Variants in SACM1L observed in about 807,000 individuals in gnomAD.
SACM1L encodes SAC1 like phosphatidylinositide phosphatase.
In SACM1L, 32 loss-of-function variants were observed where a neutral mutation model predicts 89.5. The observed-to-expected ratio is 0.36, with a 90% CI of 0.27 to 0.48. The LOEUF is 0.48. SACM1L is among the 20% of genes least tolerant of loss of function. The pLI is 0.99. For synonymous variants in SACM1L, 213 were observed against 232.8 expected, an observed-to-expected ratio of 0.92 and a Z score of 0.77; for missense variants, 543 against 708.5, an observed-to-expected ratio of 0.77 and a Z score of 2.65.
intron 11 of SACM1L, among the ~76,000 whole-genome samples, chr3:45,726,101 A>G (rs1698911321): frequency 1.3e-5 from 2 of 152,148 alleles, no homozygotes; most frequent in Middle Eastern, 3.4e-3. Flanking sequence ...TTGGTGTGCT[A>G]GTGTTTGGCT....
chr3:45,742,410 C>T (rs143902103), intron 19 of SACM1L, among the ~76,000 whole-genome samples: 1 of 152,284 alleles, frequency 6.6e-6, no homozygotes, highest in Non-Finnish European at 1.5e-5. Context: ...AGCATGATCT[C>T]TGAGGGCTTG....
intron 1 of SACM1L, among the ~76,000 whole-genome samples, chr3:45,699,447 A>G (rs865997700): frequency 2.9e-5 from 4 of 137,860 alleles, no homozygotes; most frequent in African/African-American, 1.1e-4. Context: ...TTTTGTTTTT[A>G]TAAATTTATA....
rs1313484170 is a variant in SACM1L, at chr3:45,719,932, G to GT, written c.679+337dup. Among the ~76,000 whole-genome samples the GT allele has an allele frequency of 2.0e-5, 3 of 152,048 alleles. No individual in the cohort carries two copies. In the East Asian group the frequency reaches 5.8e-4, roughly 29 times the overall value. ...AAGTATTTTCTTGTATTGCTTTTAG[G>GT]TTTTTTGCATGCATGAAGCTAGTCA... On this transcript the variant is annotated intron_variant, in intron 8 of 19. Coordinates refer to ENST00000389061, the MANE Select transcript of SACM1L (RefSeq NM_014016.5).
intron 13 of SACM1L, among the ~76,000 whole-genome samples, chr3:45,733,668 T>A (rs1699126833): frequency 6.6e-6 from 1 of 152,232 alleles, no homozygotes; most frequent in Non-Finnish European, 1.5e-5. Context: ...TTTTGGAGAA[T>A]AGTTTCAATA....
At chr3:45,735,444 A>T in intron 14 of SACM1L, 71 bp downstream of exon 14, 1 of 1,426,808 alleles carries the variant, frequency 7.0e-7, no homozygotes, top group Non-Finnish European at 9.3e-7. Flanking sequence ...AAAACCCAGT[A>T]ACAAAAAATA....
At chr3:45,696,296 C>T (rs1454081199) in intron 1 of SACM1L, among the ~76,000 whole-genome samples, 3 of 152,050 alleles carry the variant, frequency 2.0e-5, no homozygotes, top group Non-Finnish European at 4.4e-5. Flanking sequence ...TGTGCCTGGC[C>T]CAGAATTTCC....
chr3:45,742,322 A>G (rs1699333626), intron 19 of SACM1L, among the ~76,000 whole-genome samples: 1 of 152,158 alleles, frequency 6.6e-6, no homozygotes, highest in South Asian at 2.1e-4. Flanking sequence ...CTTATGATAA[A>G]CTTTGTGATG....
At position 45,731,397 on chromosome 3, in the gene SACM1L, C is replaced by G. The variant is rs1019625342; in HGVS notation, c.1001+17C>G. 1 of 1,564,588 alleles carries G rather than the reference C, an allele frequency of 6.4e-7. No individual in the cohort carries two copies. The highest frequency in any genetic ancestry group is 1.7e-5 in the Admixed American group (1 of 59,492). On this transcript the variant is annotated intron_variant, in intron 12 of 19. Coordinates refer to ENST00000389061, the MANE Select transcript of SACM1L (RefSeq NM_014016.5). ...AATGATGAGGTACCTCACTAGAAAT[C>G]TGTTGCAGGTCTTTTCAGATCAGAT...
chr3:45,739,795 C>T, intron 19 of SACM1L, 151 bp downstream of exon 19: 1 of 726,874 alleles, frequency 1.4e-6, no homozygotes, highest in Non-Finnish European at 2.4e-6. Context: ...TTAGATGTGA[C>T]AGGAAGAAAA....
intron 1 of SACM1L, among the ~76,000 whole-genome samples, chr3:45,693,552 C>G (rs1437597580): frequency 6.6e-6 from 1 of 152,204 alleles, no homozygotes; most frequent in African/African-American, 2.4e-5. Flanking sequence ...AAAACAGTCT[C>G]ATAATTGCCC....
chr3:45,712,230 A>G (rs1307460874), intron 5 of SACM1L, among the ~76,000 whole-genome samples: 1 of 152,062 alleles, frequency 6.6e-6, no homozygotes, highest in Non-Finnish European at 1.5e-5. Context: ...TCTACTGAGT[A>G]GAGTCAGTTA....
At chr3:45,735,440 CAGT>C in intron 14 of SACM1L, 67 bp downstream of exon 14, 5 of 1,443,292 alleles carry the variant, frequency 3.5e-6, no homozygotes, top group Non-Finnish European at 4.6e-6. Flanking sequence ...CTTTAAAACC[CAGT>C]AACAAAAAAT....
At chr3:45,728,658 C>T (rs926292097) in intron 11 of SACM1L, among the ~76,000 whole-genome samples, 2 of 151,874 alleles carry the variant, frequency 1.3e-5, no homozygotes, top group African/African-American at 2.4e-5. Flanking sequence ...ATGCAGTTGG[C>T]TCTTATTTAT....
At chr3:45,712,993 T>TTA in intron 5 of SACM1L, 144 bp from the exon 6 acceptor site, 1 of 604,416 alleles carries the variant, frequency 1.7e-6, no homozygotes. Context: ...GGTACAGATT[T>TTA]GCGGGGGAGA....
intron 5 of SACM1L, among the ~76,000 whole-genome samples, chr3:45,711,857 G>A (rs1410360861): frequency 6.6e-6 from 1 of 152,124 alleles, no homozygotes; most frequent in African/African-American, 2.4e-5. Context: ...AGAAATCTGT[G>A]TGCAGAATCC....
intron 19 of SACM1L, among the ~76,000 whole-genome samples, chr3:45,742,245 A>G (rs1474013249): frequency 6.6e-6 from 1 of 152,206 alleles, no homozygotes; most frequent in Middle Eastern, 3.2e-3. Context: ...AATTATGCAA[A>G]TTCGAGTATA....
intron 19 of SACM1L, among the ~76,000 whole-genome samples, chr3:45,742,401 G>T (rs1575415306): frequency 6.6e-6 from 1 of 152,172 alleles, no homozygotes; most frequent in South Asian, 2.1e-4. Flanking sequence ...AACAAATGTA[G>T]CATGATCTCT....
chr3:45,735,382 G>GA lies in SACM1L; in HGVS notation c.1239+9_1239+10insA. 1 of 1,467,046 alleles carries GA rather than the reference G, an allele frequency of 6.8e-7. No homozygotes were observed. The highest frequency in any genetic ancestry group is 9.0e-7 in the Non-Finnish European group (1 of 1,107,654). 90.9% of individuals were successfully genotyped at this position (1,467,046 alleles called of 1,614,324 possible). ...TTCAGGCCCAACTTCAGGTGCGAAT[G>GA]CTTTTTTTTTTTTTAATTGAAAAAC... On this transcript the variant is annotated intron_variant, in intron 14 of 19. Coordinates refer to ENST00000389061, the MANE Select transcript of SACM1L (RefSeq NM_014016.5).
At chr3:45,719,831 G>A (rs1698747741) in intron 8 of SACM1L, among the ~76,000 whole-genome samples, 1 of 152,176 alleles carries the variant, frequency 6.6e-6, no homozygotes, top group African/African-American at 2.4e-5. Flanking sequence ...TGCTTGAAGA[G>A]GAACTGATCA....
Sources: allele counts gnomAD v4.1 joint callset (sites outside exome capture counted in the v4.1 genomes callset), GRCh38; gene constraint gnomAD v4.1.1; transcripts MANE v1.5; gene names NCBI Gene and HGNC (gene_info 2026-07-23, HGNC 2026-07-21).